Variants in FOXRED2 observed in about 807,000 individuals in gnomAD.
The protein encoded by FOXRED2 is FAD dependent oxidoreductase domain containing 2, also known as FAD-dependent oxidoreductase domain-containing protein 2.
In FOXRED2, 32 loss-of-function variants were observed where a neutral mutation model predicts 52.5. The ratio of observed to expected loss-of-function variants is 0.61; its 90% CI spans 0.46 to 0.82. The LOEUF (loss-of-function observed/expected upper bound fraction) is 0.82, where lower values mean the gene tolerates loss of function less well. FOXRED2 is among the 40% of genes least tolerant of loss of function. FOXRED2 has a pLI of 0.00. For missense variants in FOXRED2, 848 were observed against 937.5 expected, an observed-to-expected ratio of 0.90 and a Z score of 1.25; for synonymous variants, 405 against 398.1, an observed-to-expected ratio of 1.02 and a Z score of -0.21.
chr22:36,491,323 A>C (rs1454981839), intron 8 of FOXRED2, among the ~76,000 whole-genome samples: 1 of 152,072 alleles, frequency 6.6e-6, no homozygotes, highest in Non-Finnish European at 1.5e-5. Flanking sequence ...TCCCCGCCCA[A>C]ATCTCATGTT....
At position 36,506,196 on chromosome 22, in the gene FOXRED2, C is replaced by A; in HGVS notation, c.227G>T (p.Arg76Leu). ...GSFFTRYPRH[R>L]KLISINKRYT... The stretch of plus-strand genomic sequence containing the variant: ...CCGCTTGTTGATGCTGATGAGCTTG[C>A]GGTGCCGCGGGTAGCGTGTGAAGAA... The change falls in exon 2 of 9, where the codon CGC (arginine) becomes CTC (leucine). Residue 76 changes from arginine (R) to leucine (L), a missense_variant. Transcript: ENST00000397224. The A allele has an allele frequency of 1.9e-6, 3 of 1,614,162 alleles. No individual in the cohort carries two copies. The highest frequency in any genetic ancestry group is 2.5e-6 in the Non-Finnish European group (3 of 1,180,008).
chr22:36,506,515 A>C (rs980891892), intron 1 of FOXRED2, 92 bp from the exon 2 acceptor site: 16 of 1,246,104 alleles, frequency 1.3e-5, no homozygotes, highest in Non-Finnish European at 1.6e-5. Flanking sequence ...GGGAACTCTC[A>C]CTGCAATCTG....
At chr22:36,502,873 T>G (rs188950492) in intron 4 of FOXRED2, among the ~76,000 whole-genome samples, 45 of 152,260 alleles carry the variant, frequency 3.0e-4, no homozygotes, top group Non-Finnish European at 5.4e-4. Flanking sequence ...TTTGTATTTT[T>G]GGTAGAGACG....
At position 36,490,335 on chromosome 22, in the gene FOXRED2, G is replaced by C. The variant is rs948314008; in HGVS notation, c.1796-68C>G. On this transcript the variant is annotated intron_variant, in intron 8 of 8. Coordinates refer to ENST00000397224, the MANE Select transcript of FOXRED2 (RefSeq NM_001102371.2). Reference sequence around the variant, plus strand: ...TGTGGGGAGGGGTGCAGAAAGGGGAGCTGCCAATGCCAGGTGTGGGGGCTT... The same window carrying C: ...TGTGGGGAGGGGTGCAGAAAGGGGACCTGCCAATGCCAGGTGTGGGGGCTT... 1.2e-5 allele frequency: 18 copies of C among 1,493,886 alleles called. No homozygotes were observed. In the East Asian group the frequency reaches 1.8e-4, roughly 15 times the overall value. The allele number at this position is 1,493,886 out of a possible 1,614,324, so 92.5% of individuals were successfully genotyped here. A position where few individuals can be genotyped will look rare whatever the true frequency, so the allele number is the denominator to read the frequency against.
Position 36,489,110 on chromosome 22 carries a change from CCAGCCCGAGACAG to C in FOXRED2, c.*885_*897del. 1 of 152,306 alleles carries C rather than the reference CCAGCCCGAGACAG, an allele frequency of 6.6e-6. No individual in the cohort carries two copies. Among genetic ancestry groups the C allele is most frequent in the Non-Finnish European group, 1.5e-5 (1 of 68,054 alleles). The allele number at this position is 152,306 out of a possible 1,614,324, so 9.4% of individuals were successfully genotyped here. On this transcript the variant is annotated 3_prime_UTR_variant, in exon 9 of 9. Transcript: ENST00000397224. ...TACACATGGTGAGCACATATGGGTG[CCAGCCCGAGACAG>C]CAGGATAAGTTTCACAAAACTTGAC...
intron 5 of FOXRED2, 103 bp from the exon 6 acceptor site, chr22:36,498,259 C>T: frequency 7.3e-7 from 1 of 1,361,906 alleles, no homozygotes; most frequent in African/African-American, 1.4e-5. Flanking sequence ...ACGCCATACA[C>T]ACTGGTCTCC....
intron 8 of FOXRED2, 123 bp downstream of exon 8, chr22:36,493,510 G>C (rs1933813495): frequency 1.4e-6 from 1 of 721,104 alleles, no homozygotes; most frequent in African/African-American, 1.8e-5. Flanking sequence ...GGCATTGTCG[G>C]GAACAGTAGT....
chr22:36,492,651 G>C (rs770191415), intron 8 of FOXRED2, among the ~76,000 whole-genome samples: 1 of 152,058 alleles, frequency 6.6e-6, no homozygotes, highest in Non-Finnish European at 1.5e-5. Flanking sequence ...TAGGTAGCTG[G>C]GATTACAGGC....
In FOXRED2 at chr22:36,504,649, A is replaced by T; in HGVS notation, c.645T>A (p.Asn215Lys). ...AGTTCCCACGACCCAGGATCAGCAC[A>T]TTCTGGCCTACAAAGTCCTCAGGGT... ...SVDPEDFVGQ[N>K]VLILGRGNSA... Residue 215 changes from asparagine to lysine, a missense_variant, in exon 3 of 9, where the codon AAT becomes AAA. Transcript: ENST00000397224. 6.2e-7 allele frequency: 1 copy of T among 1,614,188 alleles called. No individual in the cohort carries two copies. Among genetic ancestry groups the T allele is most frequent in the Non-Finnish European group, 8.5e-7 (1 of 1,180,036 alleles).
intron 2 of FOXRED2, among the ~76,000 whole-genome samples, chr22:36,505,187 T>C (rs1216284538): frequency 6.6e-6 from 1 of 152,198 alleles, no homozygotes. Flanking sequence ...TGAGCAGTAA[T>C]TCTGTACCAG....
In FOXRED2 at chr22:36,506,142, T is replaced by A. The variant is rs368788841; in HGVS notation, c.281A>T (p.Asn94Ile). 1 of 1,614,062 alleles carries A rather than the reference T, an allele frequency of 6.2e-7. No homozygotes were observed. Among genetic ancestry groups the A allele is most frequent in the African/African-American group, 1.3e-5 (1 of 74,934 alleles). ...RYTGKANAEF[N>I]LRHDWNSLLS... ...CAGAGAGTTCCAGTCGTGGCGGAGG[T>A]TGAACTCGGCGTTAGCCTTGCCCGT... The change falls in exon 2 of 9, where the codon AAC becomes ATC. Residue 94 changes from asparagine (N) to isoleucine (I), a missense_variant. By Grantham distance (149) the Asn-to-Ile change is moderately radical. Transcript: ENST00000397224.
At position 36,504,733 on chromosome 22, in the gene FOXRED2, G is replaced by T; in HGVS notation, c.561C>A (p.Pro187=). 1 of 1,614,130 alleles carries T rather than the reference G, an allele frequency of 6.2e-7. No individual in the cohort carries two copies. The change falls in exon 3 of 9, where the codon CCC becomes CCA. Residue 187 remains proline (P), a synonymous_variant. Transcript: ENST00000397224. Reference sequence around the variant, plus strand: ...CGGAGCCAGGGAAGTCAACCTGGTTGGGGACTGATAAACCAGTGGCTACAA... The same window carrying T: ...CGGAGCCAGGGAAGTCAACCTGGTTTGGGACTGATAAACCAGTGGCTACAA... The part of the protein sequence containing the change: ...VLFVATGLSV[P]NQVDFPGSEY...
chr22:36,489,155 G>C lies in FOXRED2; in HGVS notation c.*853C>G, dbSNP rs1016491349. Reference sequence around the variant, plus strand: ...AAGTTTCACAAAACTTGACCAGGCAGGTTAGAAGCAAGGCATGGTTCAGGA... The same window carrying C: ...AAGTTTCACAAAACTTGACCAGGCACGTTAGAAGCAAGGCATGGTTCAGGA... On this transcript the variant is annotated 3_prime_UTR_variant, in exon 9 of 9. Transcript: ENST00000397224. 3 of 152,304 alleles carry C rather than the reference G, an allele frequency of 2.0e-5. No individual in the cohort carries two copies. Among genetic ancestry groups the C allele is most frequent in the African/African-American group, 7.2e-5 (3 of 41,452 alleles). 9.4% of individuals were successfully genotyped at this position (152,304 alleles called of 1,614,324 possible).
At chr22:36,490,848 A>G (rs924210231) in intron 8 of FOXRED2, among the ~76,000 whole-genome samples, 1 of 152,246 alleles carries the variant, frequency 6.6e-6, no homozygotes, top group African/African-American at 2.4e-5. Context: ...AGCTGTGGAT[A>G]CTTATCATGT....
chr22:36,497,550 C>T (rs771623705), intron 6 of FOXRED2, among the ~76,000 whole-genome samples: 3 of 152,132 alleles, frequency 2.0e-5, no homozygotes, highest in Non-Finnish European at 2.9e-5. Flanking sequence ...GCACCGTTTC[C>T]TTCTCAGGAA....
chr22:36,506,282 G>C lies in FOXRED2; in HGVS notation c.141C>G (p.Tyr47Ter), dbSNP rs1934195147. 1 of 1,600,210 alleles carries C rather than the reference G, an allele frequency of 6.2e-7. No homozygotes were observed. The highest frequency in any genetic ancestry group is 8.5e-7 in the Non-Finnish European group (1 of 1,173,012). Residue 47 changes from tyrosine (Y) to a stop codon, truncating the protein, a stop_gained, in exon 2 of 9, where the codon TAC becomes TAG. Coordinates refer to ENST00000397224, the MANE Select transcript of FOXRED2 (RefSeq NM_001102371.2). LOFTEE classifies it high-confidence loss of function. The part of the protein sequence containing the change: ...GAGPAGLQMA[Y>*]FLQRAGRDYA... ...AGTCGCGTCCAGCGCGCTGCAGGAA[G>C]TAGGCCATCTGCAGGCCCGCGGGCC...
At chr22:36,499,768 G>A (rs889759532) in intron 5 of FOXRED2, among the ~76,000 whole-genome samples, 3 of 152,216 alleles carry the variant, frequency 2.0e-5, no homozygotes, top group East Asian at 3.9e-4. Flanking sequence ...CTTCTCAGAA[G>A]GTTAACCACA....
chr22:36,490,239 G>A lies in FOXRED2; in HGVS notation c.1824C>T (p.Arg608=), dbSNP rs1346492383. 2 of 1,611,794 alleles carry A rather than the reference G, an allele frequency of 1.2e-6. No homozygotes were observed. Among genetic ancestry groups the A allele is most frequent in the Non-Finnish European group, 1.7e-6 (2 of 1,178,474 alleles). ...GCTGGCAAAAGGGTGGCAACTTCTG[G>A]CGCGTGAGGGCGAACAGGAAGCAGG... ...AESCFLFALT[R]QKLPPFCQQG... The change falls in exon 9 of 9, where the codon CGC becomes CGT. Residue 608 remains arginine, a synonymous_variant. Coordinates refer to ENST00000397224, the MANE Select transcript of FOXRED2 (RefSeq NM_001102371.2).
At chr22:36,497,844 T>C in intron 6 of FOXRED2, 147 bp downstream of exon 6, 1 of 862,700 alleles carries the variant, frequency 1.2e-6, no homozygotes, top group Non-Finnish European at 1.8e-6. Context: ...AATGTCATTG[T>C]TTTTCCCCAG....
Sources: allele counts gnomAD v4.1 joint callset (sites outside exome capture counted in the v4.1 genomes callset), GRCh38; gene constraint gnomAD v4.1.1; transcripts MANE v1.5; gene names NCBI Gene and HGNC (gene_info 2026-07-23, HGNC 2026-07-21).